AVEN: variants seen among roughly 807,000 people sequenced by gnomAD.
AVEN encodes apoptosis and caspase activation inhibitor, also known as cell death regulator Aven.
Under a neutral mutation model 38.1 loss-of-function variants are expected in AVEN, and 41 were observed. The ratio of observed to expected loss-of-function variants is 1.08; its 90% CI spans 0.84 to 1.40. The LOEUF is 1.40. Ranked by LOEUF, AVEN falls within the 40% of genes most tolerant of loss-of-function variation. The probability of loss-of-function intolerance (pLI) is 0.00; values close to 1 mark genes in which losing one functional copy is unlikely to be tolerated. For missense variants in AVEN, 605 were observed against 438.8 expected, an observed-to-expected ratio of 1.38 and a Z score of -3.38; for synonymous variants, 206 against 171.8, an observed-to-expected ratio of 1.20 and a Z score of -1.56.
At chr15:33,978,804 A>C (rs1896007116) in intron 2 of AVEN, among the ~76,000 whole-genome samples, 1 of 152,174 alleles carries the variant, frequency 6.6e-6, no homozygotes, top group Admixed American at 6.5e-5. Context: ...TATTAGAAGG[A>C]TATATTAATA....
intron 4 of AVEN, among the ~76,000 whole-genome samples, 162 bp from the exon 5 acceptor site, chr15:33,868,017 C>T (rs1890758268): frequency 6.6e-6 from 1 of 152,180 alleles, no homozygotes; most frequent in African/African-American, 2.4e-5. Flanking sequence ...GTGGGGGCAC[C>T]CTTCCTGACA....
chr15:34,045,100 G>T (rs1292125811), intron 5 of AVEN, among the ~76,000 whole-genome samples: 1 of 152,100 alleles, frequency 6.6e-6, no homozygotes, highest in Non-Finnish European at 1.5e-5. Flanking sequence ...CTCAGTAACA[G>T]ACCTCTCTGT....
Position 33,915,384 on chromosome 15 carries a change from C to T in AVEN, c.446-39389G>A, listed in dbSNP as rs1597226085. On this transcript the variant is annotated intron_variant, in intron 2 of 5. Transcript: ENST00000306730. ...AGTGTGAAAGGGGGATCATCCACCCCCAAGCACACACCCTCACTGGGGAAC... is the reference window on the plus strand; with the variant it reads ...AGTGTGAAAGGGGGATCATCCACCCTCAAGCACACACCCTCACTGGGGAAC... 5.3e-5 allele frequency among the ~76,000 whole-genome samples: 8 copies of T among 152,274 alleles called. No homozygotes were observed. In the South Asian group the frequency reaches 1.5e-3, roughly 28 times the overall value.
downstream of AVEN, among the ~76,000 whole-genome samples, chr15:33,855,204 C>G (rs1007256770): frequency 3.4e-5 from 5 of 147,480 alleles, no homozygotes; most frequent in Admixed American, 1.4e-4. Context: ...CCTTGGAGAT[C>G]TTTTTTTTTT....
At chr15:34,049,075 T>C (rs1899833979) in intron 5 of AVEN, among the ~76,000 whole-genome samples, 3 of 152,028 alleles carry the variant, frequency 2.0e-5, no homozygotes, top group South Asian at 4.2e-4. Context: ...AGCTCAAAGG[T>C]AGATAAGCCC....
intron 2 of AVEN, among the ~76,000 whole-genome samples, chr15:33,916,417 G>T (rs978735928): frequency 1.3e-5 from 2 of 152,056 alleles, no homozygotes; most frequent in African/African-American, 4.8e-5. Flanking sequence ...GCTAGAGTGG[G>T]GAAAATCTTC....
intron 3 of AVEN, 82 bp downstream of exon 3, chr15:33,875,843 A>AC: frequency 7.7e-7 from 1 of 1,295,200 alleles, no homozygotes; most frequent in African/African-American, 1.5e-5. Context: ...CTACATGAAG[A>AC]CTCTATCTCA....
At chr15:34,025,723 TGTG>T (rs1187294376) in intron 1 of AVEN, among the ~76,000 whole-genome samples, 2 of 151,972 alleles carry the variant, frequency 1.3e-5, no homozygotes, top group Admixed American at 1.3e-4. Flanking sequence ...AAAAAAAAAT[TGTG>T]TGTGTGTGTT....
chr15:34,054,758 A>T (rs1297674788), intron 5 of AVEN, among the ~76,000 whole-genome samples: 3 of 152,154 alleles, frequency 2.0e-5, no homozygotes, highest in Non-Finnish European at 4.4e-5. Flanking sequence ...AGGTAATGGG[A>T]TGATGTGTGC....
intron 11 of AVEN, among the ~76,000 whole-genome samples, chr15:33,860,254 AG>A (rs1373813218): frequency 6.6e-6 from 1 of 152,220 alleles, no homozygotes; most frequent in African/African-American, 2.4e-5. Flanking sequence ...GATCCACCTC[AG>A]TGTCAGAGGT....
At chr15:33,870,328 A>C (rs1402629894) in intron 4 of AVEN, among the ~76,000 whole-genome samples, 1 of 152,026 alleles carries the variant, frequency 6.6e-6, no homozygotes, top group Admixed American at 6.6e-5. Flanking sequence ...CTCCAATCCC[A>C]CAGTCTTCTC....
At chr15:34,034,440 CT>C (rs35115548) in intron 1 of AVEN, among the ~76,000 whole-genome samples, 21,711 of 88,358 alleles carry the variant, frequency 0.25, 1,982 homozygotes, top group Middle Eastern at 0.39. Flanking sequence ...GACCCAGTTT[CT>C]TTTTTAAAAA....
At chr15:33,899,876 A>C (rs1296839555) in intron 2 of AVEN, among the ~76,000 whole-genome samples, 4 of 152,152 alleles carry the variant, frequency 2.6e-5, no homozygotes, top group Non-Finnish European at 5.9e-5. Context: ...AGTATGTTCC[A>C]GAGGTCGTAC....
Position 33,903,523 on chromosome 15 carries a change from C to T in AVEN, c.446-27528G>A, listed in dbSNP as rs151281577. 2.2e-3 allele frequency among the ~76,000 whole-genome samples: 342 copies of T among 152,360 alleles called. 2 individuals carry two copies. The highest frequency in any genetic ancestry group is 8.0e-3 in the African/African-American group (333 of 41,588). On this transcript the variant is annotated intron_variant, in intron 2 of 5. Transcript: ENST00000306730. ...CTTGCAACTAAGACCCTGATTGATACAGCATCTTGGTCTCCCTTAGACTAA... is the reference window on the plus strand; with the variant it reads ...CTTGCAACTAAGACCCTGATTGATATAGCATCTTGGTCTCCCTTAGACTAA...
intron 1 of AVEN, among the ~76,000 whole-genome samples, chr15:34,037,053 A>G (rs1899163753): frequency 6.6e-6 from 1 of 151,918 alleles, no homozygotes. Context: ...AGGTTGCAGC[A>G]AGCCAAGATC....
intron 2 of AVEN, among the ~76,000 whole-genome samples, chr15:33,999,980 C>T (rs944691851): frequency 2.4e-4 from 37 of 152,184 alleles, no homozygotes; most frequent in African/African-American, 8.7e-4. Flanking sequence ...CTGACCCCAT[C>T]GCATATTCGC....
downstream of AVEN, among the ~76,000 whole-genome samples, chr15:33,863,560 CT>C (rs1318649480): frequency 6.6e-6 from 1 of 152,166 alleles, no homozygotes; most frequent in African/African-American, 2.4e-5. Context: ...CCCCTGCCCC[CT>C]GGGATACTTA....
At chr15:33,906,790 A>C (rs1388979712) in intron 2 of AVEN, among the ~76,000 whole-genome samples, 4 of 152,220 alleles carry the variant, frequency 2.6e-5, no homozygotes, top group Non-Finnish European at 4.4e-5. Context: ...GAAAATGAAA[A>C]AAACTCTGGA....
At chr15:33,958,001 G>T (rs1373996117) in intron 2 of AVEN, among the ~76,000 whole-genome samples, 1 of 152,122 alleles carries the variant, frequency 6.6e-6, no homozygotes, top group African/African-American at 2.4e-5. Flanking sequence ...AGTGGGAGTA[G>T]CAACTTACGG....
Sources: allele counts gnomAD v4.1 joint callset (sites outside exome capture counted in the v4.1 genomes callset), GRCh38; gene constraint gnomAD v4.1.1; transcripts MANE v1.5; gene names NCBI Gene and HGNC (gene_info 2026-07-23, HGNC 2026-07-21).